The following COA1 variants were observed in gnomAD, a reference collection of about 807,000 sequenced individuals.
The protein encoded by COA1 is cytochrome c oxidase assembly factor 1.
COA1 carries 13 observed loss-of-function variants against 16.0 expected under a neutral mutation model. The observed-to-expected ratio is 0.81, with a 90% CI of 0.53 to 1.29. The LOEUF (loss-of-function observed/expected upper bound fraction) is 1.29. Among genes scored for constraint, COA1 ranks in the 50% most tolerant of loss-of-function variants. The pLI is 0.00. For missense variants in COA1, 179 were observed against 177.0 expected, an observed-to-expected ratio of 1.01 and a Z score of -0.06; for synonymous variants, 65 against 65.7, an observed-to-expected ratio of 0.99 and a Z score of 0.05.
chr7:43,697,214 G>T (rs140433593), intron 1 of COA1, among the ~76,000 whole-genome samples: 1 of 152,184 alleles, frequency 6.6e-6, no homozygotes, highest in East Asian at 1.9e-4. Flanking sequence ...AGGTACATGG[G>T]TATTTGTTAT....
intron 4 of COA1, among the ~76,000 whole-genome samples, chr7:43,643,597 T>TCA (rs1007545256): frequency 8.5e-5 from 13 of 152,198 alleles, no homozygotes; most frequent in Admixed American, 6.5e-4. Context: ...CACTGGACCA[T>TCA]CACCTCTGAC....
chr7:43,619,711 C>T, intron 6 of COA1: 1 of 1,613,566 alleles, frequency 6.2e-7, no homozygotes, highest in Non-Finnish European at 8.5e-7. Context: ...TATGGGTACC[C>T]CTGAATATGT....
chr7:43,718,446 AT>A (rs2095439508), intron 1 of COA1, among the ~76,000 whole-genome samples: 1 of 152,212 alleles, frequency 6.6e-6, no homozygotes, highest in Non-Finnish European at 1.5e-5. Context: ...TTGACCACAG[AT>A]CTTTAATTCT....
At chr7:43,663,682 A>AC (rs2092652827) in intron 1 of COA1, among the ~76,000 whole-genome samples, 1 of 149,790 alleles carries the variant, frequency 6.7e-6, no homozygotes, top group Non-Finnish European at 1.5e-5. Context: ...AAAAAAAAAA[A>AC]AAAAAACACA....
At chr7:43,639,895 T>C (rs547078619) in intron 5 of COA1, among the ~76,000 whole-genome samples, 13 of 152,302 alleles carry the variant, frequency 8.5e-5, no homozygotes, top group African/African-American at 3.1e-4. Flanking sequence ...GGCTTAACAA[T>C]GACTGACAGG....
chr7:43,637,097 T>TGTC (rs1288439678), downstream of COA1, among the ~76,000 whole-genome samples: 2 of 152,344 alleles, frequency 1.3e-5, no homozygotes, highest in African/African-American at 4.8e-5. Context: ...CTCTCCATCA[T>TGTC]GTCTGCTTAT....
intron 3 of COA1, chr7:43,646,073 G>A (rs1404324188): frequency 6.5e-6 from 1 of 154,118 alleles, no homozygotes; most frequent in African/African-American, 2.4e-5. Flanking sequence ...CTGCCCAAAG[G>A]AGGGAGCAGA....
chr7:43,686,013 C>T (rs1343226933), intron 1 of COA1, among the ~76,000 whole-genome samples: 2 of 152,170 alleles, frequency 1.3e-5, no homozygotes, highest in Non-Finnish European at 1.5e-5. Flanking sequence ...ACAGGCTACA[C>T]CTGTAGTTTA....
rs528019930 is a variant in COA1 at position 43,620,940 on chromosome 7, A to C, written c.*134-11445T>G. Among the ~76,000 whole-genome samples, 13 of 152,224 alleles carry C rather than the reference A, an allele frequency of 8.5e-5. No homozygotes were observed. In the East Asian group the frequency reaches 2.3e-3, roughly 27 times the overall value. On this transcript the variant is annotated intron_variant and NMD_transcript_variant, in intron 6 of 6. Coordinates refer to the COA1 transcript ENST00000415076. ...GGAAGACTCTGTGCCTGAGGGTAGA[A>C]GTGTGAAGTGAGCAAATACAGGCTA...
intron 6 of COA1, among the ~76,000 whole-genome samples, chr7:43,610,869 C>A (rs1475877932): frequency 1.3e-5 from 2 of 152,126 alleles, no homozygotes; most frequent in East Asian, 1.9e-4. Context: ...GTAATCCCAG[C>A]ACTTTGGGAG....
At chr7:43,612,381 A>C (rs1238382746) in intron 6 of COA1, among the ~76,000 whole-genome samples, 1 of 152,178 alleles carries the variant, frequency 6.6e-6, no homozygotes, top group East Asian at 1.9e-4. Flanking sequence ...GGCCTCTGTG[A>C]GTCTGGATGA....
intron 1 of COA1, among the ~76,000 whole-genome samples, chr7:43,716,086 G>A (rs1016009683): frequency 6.6e-6 from 1 of 152,074 alleles, no homozygotes; most frequent in African/African-American, 2.4e-5. Context: ...TTTGTAAATT[G>A]CCCAGTCTCA....
chr7:43,633,861 A>G (rs929256406), intron 6 of COA1, among the ~76,000 whole-genome samples: 13 of 152,008 alleles, frequency 8.6e-5, no homozygotes, highest in Non-Finnish European at 1.9e-4. Context: ...TCTTAGAGCC[A>G]TGATTCAAAT....
At chr7:43,691,433 G>GAA (rs1554542740) in intron 1 of COA1, among the ~76,000 whole-genome samples, 53 of 74,962 alleles carry the variant, frequency 7.1e-4, no homozygotes, top group Admixed American at 9.4e-4. Context: ...AAGAAAGAAA[G>GAA]AAAGAAAGAA....
chr7:43,640,550 CT>C (rs773714037), intron 5 of COA1, 22 bp downstream of exon 5: 75 of 1,568,766 alleles, frequency 4.8e-5, no homozygotes, highest in Non-Finnish European at 6.2e-5. Context: ...CGCTCCCCCA[CT>C]GCCGTCACCT....
intron 1 of COA1, among the ~76,000 whole-genome samples, chr7:43,704,849 G>A (rs1433120236): frequency 6.6e-6 from 1 of 152,196 alleles, no homozygotes; most frequent in Non-Finnish European, 1.5e-5. Context: ...GGGAGCTAGT[G>A]CAGTCGTTTG....
chr7:43,662,363 G>A (rs1394988512), intron 1 of COA1, among the ~76,000 whole-genome samples: 2 of 152,180 alleles, frequency 1.3e-5, no homozygotes, highest in Non-Finnish European at 1.5e-5. Flanking sequence ...CCAAATAGCT[G>A]GGACTACAGG....
At chr7:43,711,377 T>C (rs758850387) in intron 1 of COA1, 3 of 151,822 alleles carry the variant, frequency 2.0e-5, no homozygotes, top group Non-Finnish European at 4.4e-5. Flanking sequence ...ACAGTAATAT[T>C]CTTACCAAAG....
intron 1 of COA1, among the ~76,000 whole-genome samples, chr7:43,674,818 T>C (rs2093438096): frequency 6.6e-6 from 1 of 152,148 alleles, no homozygotes; most frequent in Admixed American, 6.5e-5. Flanking sequence ...ATAACTACTC[T>C]TATTCAAACC....
Sources: gnomAD v4.1 joint callset for allele counts (sites outside exome capture counted in the v4.1 genomes callset) on GRCh38, gnomAD v4.1.1 for gene constraint, MANE v1.5 for transcripts, NCBI Gene and HGNC (gene_info 2026-07-23, HGNC 2026-07-21) for gene names.